The following CDK14 variants were observed in gnomAD, a reference collection of about 807,000 sequenced individuals.
CDK14 encodes the protein cyclin-dependent kinase 14.
A neutral mutation model predicts 60.7 loss-of-function variants in CDK14; 34 were observed. The observed-to-expected ratio is 0.56, with a 90% CI of 0.43 to 0.75. CDK14 has a LOEUF of 0.75. Ranked by LOEUF, CDK14 falls within the 30% of genes least tolerant of loss-of-function variation. The pLI is 0.00. For missense variants in CDK14, 482 were observed against 564.1 expected (o/e 0.85, Z 1.47); for synonymous variants, 197 against 203.7 (o/e 0.97, Z 0.28).
At chr7:91,020,506 G>T (rs1295401761) in intron 10 of CDK14, among the ~76,000 whole-genome samples, 1 of 152,198 alleles carries the variant, frequency 6.6e-6, no homozygotes, top group Non-Finnish European at 1.5e-5. Context: ...GTACATGCAT[G>T]CATGAGTATA....
At chr7:91,035,627 T>A (rs1796905129) in intron 10 of CDK14, among the ~76,000 whole-genome samples, 1 of 138,678 alleles carries the variant, frequency 7.2e-6, no homozygotes, top group Admixed American at 7.8e-5. Flanking sequence ...TTTTTGTCCC[T>A]TGTCACATGT....
chr7:90,974,389 G>A (rs1294819483), intron 9 of CDK14, among the ~76,000 whole-genome samples: 1 of 152,110 alleles, frequency 6.6e-6, no homozygotes, highest in Non-Finnish European at 1.5e-5. Context: ...AAGATTACAG[G>A]ATTAAGAGAT....
At chr7:90,642,303 A>T (rs1800356790) in intron 2 of CDK14, among the ~76,000 whole-genome samples, 1 of 152,214 alleles carries the variant, frequency 6.6e-6, no homozygotes, top group African/African-American at 2.4e-5. Flanking sequence ...TATCACCTTA[A>T]ACATTTAAAA....
At chr7:90,976,738 T>A (rs574894092) in intron 9 of CDK14, among the ~76,000 whole-genome samples, 6 of 152,322 alleles carry the variant, frequency 3.9e-5, no homozygotes, top group Admixed American at 1.3e-4. Flanking sequence ...ATATCCTAGA[T>A]GTTAATCTAT....
chr7:90,937,210 A>G (rs946036935), intron 8 of CDK14, among the ~76,000 whole-genome samples: 2 of 152,338 alleles, frequency 1.3e-5, no homozygotes, highest in African/African-American at 4.8e-5. Flanking sequence ...TATATATGGT[A>G]AACTGTAGAA....
At chr7:91,037,464 G>A (rs527840791) in intron 10 of CDK14, among the ~76,000 whole-genome samples, 1,947 of 152,160 alleles carry the variant, frequency 0.013, 11 homozygotes, top group Non-Finnish European at 0.021. Context: ...GAGAGAGCAT[G>A]AAAAAAACCT....
intron 6 of CDK14, among the ~76,000 whole-genome samples, chr7:90,876,790 A>T (rs974768218): frequency 4.6e-5 from 7 of 152,254 alleles, no homozygotes; most frequent in Non-Finnish European, 7.3e-5. Context: ...AAAGCGTGCC[A>T]TTATGTAAAC....
chr7:90,776,532 G>C (rs908302033), intron 4 of CDK14, among the ~76,000 whole-genome samples: 6 of 152,158 alleles, frequency 3.9e-5, no homozygotes, highest in African/African-American at 1.4e-4. Context: ...CCGAGTGTGA[G>C]CTCGGCTTTA....
chr7:90,747,372 T>A (rs1803636800), intron 3 of CDK14, among the ~76,000 whole-genome samples: 1 of 152,158 alleles, frequency 6.6e-6, no homozygotes, highest in South Asian at 2.1e-4. Context: ...GTAGATATAG[T>A]GCAATTTCAT....
At chr7:90,641,452 G>C (rs774893340) in intron 2 of CDK14, among the ~76,000 whole-genome samples, 1 of 152,152 alleles carries the variant, frequency 6.6e-6, no homozygotes, top group Non-Finnish European at 1.5e-5. Flanking sequence ...AGACAGAAAT[G>C]AAGTACTGAT....
intron 6 of CDK14, among the ~76,000 whole-genome samples, chr7:90,898,183 C>G (rs1264435924): frequency 6.6e-6 from 1 of 152,074 alleles, no homozygotes; most frequent in Admixed American, 6.6e-5. Context: ...TACTACACAG[C>G]AGACTTTACT....
chr7:90,933,517 A>G (rs896497335), intron 8 of CDK14, among the ~76,000 whole-genome samples: 7 of 152,220 alleles, frequency 4.6e-5, no homozygotes, highest in African/African-American at 1.7e-4. Flanking sequence ...TTATGTAAAC[A>G]GAGGGCTGTA....
At chr7:90,873,149 A>G (rs1791432453) in intron 6 of CDK14, among the ~76,000 whole-genome samples, 2 of 152,168 alleles carry the variant, frequency 1.3e-5, no homozygotes, top group Non-Finnish European at 2.9e-5. Context: ...GCACGAGAGT[A>G]ATACATTGAA....
At chr7:90,987,814 A>G (rs543085706) in intron 10 of CDK14, among the ~76,000 whole-genome samples, 118 of 152,234 alleles carry the variant, frequency 7.8e-4, no homozygotes, top group African/African-American at 2.8e-3. Flanking sequence ...ACAGGCCTGT[A>G]GTATAAACTG....
intron 7 of CDK14, among the ~76,000 whole-genome samples, chr7:90,904,192 C>A (rs1792617507): frequency 6.6e-6 from 1 of 152,020 alleles, no homozygotes; most frequent in Non-Finnish European, 1.5e-5. Context: ...CAGCAAAAGT[C>A]GTGCCTCAAG....
At position 90,863,221 on chromosome 7, in the gene CDK14, T is replaced by C; in HGVS notation, c.591T>C (p.His197=). The part of the protein sequence containing the change: ...GLKHANIVLL[H]DIIHTKETLT... ...AACATGCTAACATAGTGCTACTTCATGACATCATCCATACCAAGGAGACGC... is the reference window on the plus strand; with the variant it reads ...AACATGCTAACATAGTGCTACTTCACGACATCATCCATACCAAGGAGACGC... The change falls in exon 6 of 15, where the codon CAT becomes CAC. Residue 197 remains histidine (H), a synonymous_variant. Transcript: ENST00000380050. 2 of 1,611,134 alleles carry C rather than the reference T, an allele frequency of 1.2e-6. No individual in the cohort carries two copies. Among genetic ancestry groups the C allele is most frequent in the South Asian group, 1.1e-5 (1 of 90,862 alleles).
intron 10 of CDK14, among the ~76,000 whole-genome samples, chr7:90,995,102 C>T (rs1795644710): frequency 6.6e-6 from 1 of 152,168 alleles, no homozygotes; most frequent in Non-Finnish European, 1.5e-5. Flanking sequence ...TCGTTACTCA[C>T]TTCTAATGGA....
intron 2 of CDK14, among the ~76,000 whole-genome samples, chr7:90,636,373 C>T (rs572613799): frequency 6.6e-5 from 10 of 152,270 alleles, no homozygotes; most frequent in South Asian, 2.1e-4. Context: ...AAGGCCTTTT[C>T]GGCATCTATT....
chr7:90,878,947 T>C (rs960540086), intron 6 of CDK14, among the ~76,000 whole-genome samples: 2 of 152,158 alleles, frequency 1.3e-5, no homozygotes, highest in Non-Finnish European at 2.9e-5. Flanking sequence ...AACAAATGAG[T>C]AGTATTTGCC....
Sources: allele counts gnomAD v4.1 joint callset (sites outside exome capture counted in the v4.1 genomes callset), GRCh38; gene constraint gnomAD v4.1.1; transcripts MANE v1.5; gene names NCBI Gene and HGNC (gene_info 2026-07-23, HGNC 2026-07-21).